SMOC2: variants seen among roughly 807,000 people sequenced by gnomAD.
SMOC2 encodes the protein SPARC-related modular calcium-binding protein 2.
In SMOC2, 39 loss-of-function variants were observed where a neutral mutation model predicts 61.4. The observed-to-expected ratio is 0.64, with a 90% CI of 0.49 to 0.83. SMOC2 has a LOEUF of 0.83. Among genes scored for constraint, SMOC2 ranks in the 40% least tolerant of loss-of-function variants. The probability of loss-of-function intolerance (pLI) is 0.00; values close to 1 mark genes in which losing one functional copy is unlikely to be tolerated. For missense variants in SMOC2, 556 were observed against 592.9 expected (o/e 0.94, Z 0.65); for synonymous variants, 247 against 239.9 (o/e 1.03, Z -0.27).
At chr6:168,456,089 G>A (rs1562537948) in intron 1 of SMOC2, among the ~76,000 whole-genome samples, 3 of 152,254 alleles carry the variant, frequency 2.0e-5, no homozygotes, top group African/African-American at 7.2e-5. Flanking sequence ...GTGGGGGCAC[G>A]GGCCTGCTGG....
At chr6:168,586,498 A>T (rs1452919386) in intron 7 of SMOC2, among the ~76,000 whole-genome samples, 2 of 152,136 alleles carry the variant, frequency 1.3e-5, no homozygotes, top group Non-Finnish European at 2.9e-5. Flanking sequence ...TTGTTTTAGA[A>T]CCATAATGTC....
In SMOC2 at chr6:168,535,119, C is replaced by G. The variant is rs1282494149; in HGVS notation, c.463+7392C>G. ...CGGAGTAGCTGGGACTACAGGCACC[C>G]GCCACCACGCCCAGCTAATGTTTTG... On this transcript the variant is annotated intron_variant, in intron 4 of 12. Coordinates refer to ENST00000356284, the MANE Select transcript of SMOC2 (RefSeq NM_001166412.2). The surrounding 1 kb of genome is among the most constrained non-coding windows in gnomAD (Gnocchi z 4.6). Among the ~76,000 whole-genome samples, 1 of 151,790 alleles carries G rather than the reference C, an allele frequency of 6.6e-6. No individual in the cohort carries two copies. Among genetic ancestry groups the G allele is most frequent in the Non-Finnish European group, 1.5e-5 (1 of 67,994 alleles).
intron 1 of SMOC2, among the ~76,000 whole-genome samples, chr6:168,481,275 G>A (rs747384080): frequency 1.3e-5 from 2 of 151,978 alleles, no homozygotes; most frequent in Non-Finnish European, 2.9e-5. Flanking sequence ...TTAATGCTTC[G>A]ATGTACAGAA....
chr6:168,591,633 TATA>T (rs1276033249), intron 7 of SMOC2, among the ~76,000 whole-genome samples: 3 of 148,870 alleles, frequency 2.0e-5, no homozygotes, highest in African/African-American at 7.3e-5. Flanking sequence ...ATATAATTAA[TATA>T]ATACTATAAG....
At position 168,583,462 on chromosome 6, in the gene SMOC2, G is replaced by T. The variant is rs565531607; in HGVS notation, c.638-15356G>T. On this transcript the variant is annotated intron_variant, in intron 7 of 12. Transcript: ENST00000356284. ...AACTATTCCTTCACAGCAGATGAACGCACAATGTCTGTGTATTGGGTGTTT... is the reference window on the plus strand; with the variant it reads ...AACTATTCCTTCACAGCAGATGAACTCACAATGTCTGTGTATTGGGTGTTT... Among the ~76,000 whole-genome samples the T allele has an allele frequency of 2.0e-5, 3 of 152,366 alleles. No homozygotes were observed. In the South Asian group the frequency reaches 6.2e-4, roughly 32 times the overall value.
At position 168,488,216 on chromosome 6, in the gene SMOC2, C is replaced by G. The variant is rs560524813; in HGVS notation, c.85-21699C>G. On this transcript the variant is annotated intron_variant, in intron 1 of 12. Transcript: ENST00000356284. ...ACTGGTCTCCTCTGGCCCCTGGTGC[C>G]TCCGGCACTCCTTGGCATTCCTCCG... is the stretch of plus-strand genomic sequence containing the variant. 2.0e-5 allele frequency among the ~76,000 whole-genome samples: 3 copies of G among 152,360 alleles called. No individual in the cohort carries two copies. In the East Asian group the frequency reaches 5.8e-4, roughly 29 times the overall value.
At chr6:168,585,302 A>G (rs1209707633) in intron 7 of SMOC2, among the ~76,000 whole-genome samples, 1 of 152,180 alleles carries the variant, frequency 6.6e-6, no homozygotes, top group Non-Finnish European at 1.5e-5. Context: ...AAATGGAATC[A>G]AGCATAAGTA....
At chr6:168,540,590 C>T (rs1436090068) in intron 4 of SMOC2, among the ~76,000 whole-genome samples, 1 of 146,520 alleles carries the variant, frequency 6.8e-6, no homozygotes, top group East Asian at 1.9e-4. Flanking sequence ...TGTTCTGCTG[C>T]CCATGCCCTG....
chr6:168,478,151 A>T (rs1360726169), intron 1 of SMOC2, among the ~76,000 whole-genome samples: 1 of 152,134 alleles, frequency 6.6e-6, no homozygotes, highest in African/African-American at 2.4e-5. Context: ...GCTCATTCCC[A>T]AACGTTAGGG....
chr6:168,586,519 A>G (rs1025844073), intron 7 of SMOC2, among the ~76,000 whole-genome samples: 1 of 152,164 alleles, frequency 6.6e-6, no homozygotes, highest in African/African-American at 2.4e-5. Context: ...AGTTTCTACT[A>G]TAGAGCTTCC....
intron 9 of SMOC2, among the ~76,000 whole-genome samples, chr6:168,646,116 T>C (rs1342512816): frequency 6.6e-6 from 1 of 152,222 alleles, no homozygotes; most frequent in Non-Finnish European, 1.5e-5. Flanking sequence ...CACTGCTAGA[T>C]ACTTAAAACC....
intron 1 of SMOC2, among the ~76,000 whole-genome samples, chr6:168,455,544 T>C (rs1318256729): frequency 6.6e-6 from 1 of 152,216 alleles, no homozygotes; most frequent in Non-Finnish European, 1.5e-5. Context: ...TTTATACTTG[T>C]TTATTGTTCC....
intron 7 of SMOC2, among the ~76,000 whole-genome samples, chr6:168,583,600 GTTC>G (rs954858431): frequency 2.6e-5 from 4 of 152,194 alleles, no homozygotes; most frequent in African/African-American, 9.7e-5. Flanking sequence ...AACTGGGGAT[GTTC>G]TTCTCATAGC....
intron 1 of SMOC2, among the ~76,000 whole-genome samples, chr6:168,484,826 C>T (rs1259349984): frequency 3.3e-5 from 5 of 152,108 alleles, no homozygotes; most frequent in Admixed American, 2.6e-4. Context: ...GGACATGATG[C>T]CGAGTGATAG....
At chr6:168,458,260 T>G (rs1411196913) in intron 1 of SMOC2, among the ~76,000 whole-genome samples, 1 of 151,720 alleles carries the variant, frequency 6.6e-6, no homozygotes, top group Non-Finnish European at 1.5e-5. Flanking sequence ...TCCGGGGGCA[T>G]CGTGCTGCCT....
intron 7 of SMOC2, among the ~76,000 whole-genome samples, chr6:168,549,955 T>TA (rs1784092090): frequency 6.6e-6 from 1 of 152,246 alleles, no homozygotes; most frequent in Admixed American, 6.5e-5. Flanking sequence ...TTGTTTGCTA[T>TA]AAAGCAGTGT....
At chr6:168,575,114 A>G (rs557073954) in intron 7 of SMOC2, among the ~76,000 whole-genome samples, 191 of 152,226 alleles carry the variant, frequency 1.3e-3, no homozygotes, top group African/African-American at 4.4e-3. Flanking sequence ...GTTTGTGCGA[A>G]GCGCTGGGCG....
chr6:168,487,147 G>A (rs749156331), intron 1 of SMOC2, among the ~76,000 whole-genome samples: 4 of 152,188 alleles, frequency 2.6e-5, no homozygotes, highest in Non-Finnish European at 5.9e-5. Flanking sequence ...CTGGTTGCTC[G>A]GAAACCTTGG....
intron 1 of SMOC2, among the ~76,000 whole-genome samples, chr6:168,444,961 G>T (rs779832488): frequency 4.6e-5 from 7 of 152,114 alleles, no homozygotes; most frequent in Non-Finnish European, 8.8e-5. Flanking sequence ...ATCATATTTT[G>T]CTCACACTTA....
Sources: allele counts gnomAD v4.1 joint callset (sites outside exome capture counted in the v4.1 genomes callset), GRCh38; gene constraint gnomAD v4.1.1; non-coding constraint Gnocchi (gnomAD v3.1); transcripts MANE v1.5; gene names NCBI Gene and HGNC (gene_info 2026-07-23, HGNC 2026-07-21).